The following PTPRD variants were observed in gnomAD, a reference collection of about 807,000 sequenced individuals.
PTPRD encodes the protein protein tyrosine phosphatase receptor type D.
PTPRD carries 34 observed loss-of-function variants against 214.5 expected under a neutral mutation model. That is an observed-to-expected ratio of 0.16 (90% CI 0.12 to 0.21). The LOEUF is 0.21. Ranked by LOEUF, PTPRD falls within the 10% of genes least tolerant of loss-of-function variation. The pLI, the probability that PTPRD is intolerant of heterozygous loss-of-function variation, is 1.00. For synonymous variants in PTPRD, 1,128 were observed against 845.7 expected (o/e 1.33, Z -5.79); for missense variants, 2,545 against 2,398.7 (o/e 1.06, Z -1.27).
intron 11 of PTPRD, among the ~76,000 whole-genome samples, chr9:8,871,407 A>G (rs2154207922): frequency 6.6e-6 from 1 of 152,310 alleles, no homozygotes; most frequent in South Asian, 2.1e-4. Context: ...TTAAGATTCA[A>G]TGGAGTAAAT....
At chr9:9,536,842 C>A (rs888864461) in intron 8 of PTPRD, among the ~76,000 whole-genome samples, 1 of 152,028 alleles carries the variant, frequency 6.6e-6, no homozygotes, top group Non-Finnish European at 1.5e-5. Flanking sequence ...CACTCGTTTT[C>A]AATTAAAACT....
chr9:9,844,847 CATTTT>C (rs2059115016), intron 5 of PTPRD, among the ~76,000 whole-genome samples: 1 of 151,350 alleles, frequency 6.6e-6, no homozygotes, highest in South Asian at 2.1e-4. Flanking sequence ...GAATTTGTGG[CATTTT>C]ATTTTATAAA....
intron 7 of PTPRD, among the ~76,000 whole-genome samples, chr9:9,617,906 A>C (rs549242720): frequency 1.3e-5 from 2 of 151,586 alleles, no homozygotes; most frequent in East Asian, 3.9e-4. Context: ...CCCTGTCTCT[A>C]CTAAAAATAC....
At chr9:8,350,137 C>G (rs185100036) in intron 39 of PTPRD, among the ~76,000 whole-genome samples, 1 of 151,862 alleles carries the variant, frequency 6.6e-6, no homozygotes, top group Non-Finnish European at 1.5e-5. Context: ...CTTAATGTCC[C>G]GTGATGTGAT....
intron 9 of PTPRD, among the ~76,000 whole-genome samples, chr9:9,222,336 T>C (rs1245559276): frequency 1.3e-5 from 2 of 152,072 alleles, no homozygotes; most frequent in African/African-American, 4.8e-5. Flanking sequence ...TTACAAGAGT[T>C]CTGTGTTTAA....
At chr9:10,188,655 G>C (rs946986893) in intron 3 of PTPRD, among the ~76,000 whole-genome samples, 2 of 151,712 alleles carry the variant, frequency 1.3e-5, no homozygotes, top group Non-Finnish European at 2.9e-5. Context: ...ATCTCAATAG[G>C]CACTAGTAGA....
At chr9:9,023,966 C>T (rs1409558673) in intron 10 of PTPRD, among the ~76,000 whole-genome samples, 1 of 151,670 alleles carries the variant, frequency 6.6e-6, no homozygotes, top group Non-Finnish European at 1.5e-5. Context: ...TCATTTTATA[C>T]CTTTTTCTAA....
chr9:8,702,507 T>C (rs1215916683), intron 12 of PTPRD, among the ~76,000 whole-genome samples: 3 of 152,132 alleles, frequency 2.0e-5, no homozygotes, highest in Non-Finnish European at 4.4e-5. Flanking sequence ...GAGATAAAAA[T>C]AAAGCCAACA....
intron 12 of PTPRD, among the ~76,000 whole-genome samples, chr9:8,659,148 G>A (rs2096977708): frequency 6.6e-6 from 1 of 152,104 alleles, no homozygotes; most frequent in South Asian, 2.1e-4. Flanking sequence ...GAATGAGAGG[G>A]GCATGATAAT....
At chr9:9,015,109 G>C (rs1323994933) in intron 11 of PTPRD, among the ~76,000 whole-genome samples, 2 of 151,962 alleles carry the variant, frequency 1.3e-5, no homozygotes, top group African/African-American at 2.4e-5. Context: ...TAACTAGATA[G>C]CTTTTAAAAA....
chr9:9,802,082 G>A (rs1002282803), intron 5 of PTPRD, among the ~76,000 whole-genome samples: 16 of 151,992 alleles, frequency 1.1e-4, no homozygotes, highest in East Asian at 1.9e-4. Flanking sequence ...GCTTAATTGC[G>A]ACTCAAGTTG....
At chr9:9,027,589 C>T (rs772470734) in intron 10 of PTPRD, among the ~76,000 whole-genome samples, 9 of 151,818 alleles carry the variant, frequency 5.9e-5, no homozygotes, top group Admixed American at 5.9e-4. Context: ...TATTGTACTG[C>T]ATATTTGTAT....
At position 9,315,480 on chromosome 9, in the gene PTPRD, C is replaced by G. The variant is rs114743657; in HGVS notation, c.-203+81969G>C. Among the ~76,000 whole-genome samples, 1,351 of 152,000 alleles carry G rather than the reference C, an allele frequency of 8.9e-3. 14 individuals are homozygous for G. The highest frequency in any genetic ancestry group is 0.031 in the African/African-American group (1,272 of 41,508). On this transcript the variant is annotated intron_variant, in intron 9 of 45. Coordinates refer to ENST00000381196, the MANE Select transcript of PTPRD (RefSeq NM_002839.4). ...ATTTTAAGAGCCTGCCCATCCAATTCCAAAGTCTATGTTTTTCTATATACC... is the reference window on the plus strand; with the variant it reads ...ATTTTAAGAGCCTGCCCATCCAATTGCAAAGTCTATGTTTTTCTATATACC...
chr9:8,789,764 G>A (rs1030214102), intron 11 of PTPRD, among the ~76,000 whole-genome samples: 5 of 152,058 alleles, frequency 3.3e-5, no homozygotes, highest in Admixed American at 6.6e-5. Flanking sequence ...GGGAGGGGGT[G>A]GAATTCAACC....
Position 8,787,401 on chromosome 9 carries a change from G to A in PTPRD, c.-103-53455C>T, listed in dbSNP as rs558351935. Among the ~76,000 whole-genome samples the A allele has an allele frequency of 4.2e-4, 64 of 152,128 alleles. No homozygotes were observed. In the South Asian group the frequency reaches 0.01, roughly 24 times the overall value. On this transcript the variant is annotated intron_variant, in intron 11 of 45. Transcript: ENST00000381196. ...CCCTTAAACATCCCTCATTTCTGAC[G>A]ATGACAATTTGTTCCCTGCCCTTTA...
At chr9:9,252,494 T>C (rs1313574349) in intron 9 of PTPRD, among the ~76,000 whole-genome samples, 2 of 152,052 alleles carry the variant, frequency 1.3e-5, no homozygotes, top group African/African-American at 4.8e-5. Context: ...AATTTTGTTT[T>C]GTTTTGAGAC....
At chr9:10,069,668 T>G (rs2097957433) in intron 3 of PTPRD, among the ~76,000 whole-genome samples, 1 of 152,002 alleles carries the variant, frequency 6.6e-6, no homozygotes, top group Admixed American at 6.6e-5. Context: ...ACAAAAAGAT[T>G]TCAATTTTAA....
intron 2 of PTPRD, among the ~76,000 whole-genome samples, chr9:10,600,551 ACT>A (rs2077708956): frequency 1.3e-5 from 2 of 151,826 alleles, no homozygotes; most frequent in African/African-American, 2.4e-5. Flanking sequence ...TAAGTAAGAA[ACT>A]CACACAGCTC....
chr9:9,935,167 G>C (rs2088684841), intron 5 of PTPRD, among the ~76,000 whole-genome samples: 1 of 152,000 alleles, frequency 6.6e-6, no homozygotes, highest in African/African-American at 2.4e-5. Flanking sequence ...ACTGGCACAA[G>C]ACAGGGATGC....
Sources: allele counts gnomAD v4.1 joint callset (sites outside exome capture counted in the v4.1 genomes callset), GRCh38; gene constraint gnomAD v4.1.1; transcripts MANE v1.5; gene names NCBI Gene and HGNC (gene_info 2026-07-23, HGNC 2026-07-21).